The following SMAP1 variants were observed in gnomAD, a reference collection of about 807,000 sequenced individuals.
The protein encoded by SMAP1 is small ArfGAP 1.
SMAP1 carries 24 observed loss-of-function variants against 58.5 expected under a neutral mutation model. The ratio of observed to expected loss-of-function variants is 0.41; its 90% CI spans 0.30 to 0.58. SMAP1 has a LOEUF of 0.58. SMAP1 is among the 20% of genes least tolerant of loss of function. The probability of loss-of-function intolerance (pLI) is 0.29; values close to 1 mark genes in which losing one functional copy is unlikely to be tolerated. For missense variants in SMAP1, 563 were observed against 566.3 expected, an observed-to-expected ratio of 0.99 and a Z score of 0.06; for synonymous variants, 216 against 196.6, an observed-to-expected ratio of 1.10 and a Z score of -0.82.
At chr6:70,848,026 A>C (rs919161719) in intron 7 of SMAP1, among the ~76,000 whole-genome samples, 1 of 152,130 alleles carries the variant, frequency 6.6e-6, no homozygotes, top group African/African-American at 2.4e-5. Flanking sequence ...ATGCTTTCTA[A>C]ATGTTAAAGT....
At chr6:70,855,050 T>A (rs910869048) in intron 8 of SMAP1, among the ~76,000 whole-genome samples, 16 of 124,378 alleles carry the variant, frequency 1.3e-4, no homozygotes, top group East Asian at 4.8e-4. Context: ...TCCTGTTCTT[T>A]CATATACATA....
At chr6:70,779,587 G>A (rs1238568461) in intron 4 of SMAP1, among the ~76,000 whole-genome samples, 2 of 152,094 alleles carry the variant, frequency 1.3e-5, no homozygotes, top group Non-Finnish European at 2.9e-5. Context: ...ACCATGATGG[G>A]GAGTCCTTCC....
intron 1 of SMAP1, among the ~76,000 whole-genome samples, chr6:70,706,725 C>T (rs1309921639): frequency 6.6e-6 from 1 of 152,150 alleles, no homozygotes; most frequent in Non-Finnish European, 1.5e-5. Context: ...ATGGCGCTCT[C>T]TATTAATCCA....
In SMAP1 at chr6:70,836,989, A is replaced by G. The variant is rs1170338721; in HGVS notation, c.625A>G (p.Lys209Glu). The G allele has an allele frequency of 1.9e-6, 3 of 1,603,928 alleles. No homozygotes were observed. The highest frequency in any genetic ancestry group is 2.7e-5 in the African/African-American group (2 of 74,428). ...QLEPKKSTSP[K>E]KAAEPTVDLL... is the part of the protein sequence containing the mutation. ...GGAGCCTAAAAAAAGTACCAGCCCT[A>G]AAAAAGCTGCGGAGCCCACTGTGGA... Residue 209 changes from lysine to glutamate, a missense_variant, in exon 7 of 11, where the codon AAA becomes GAA. Lys to Glu is a moderately conservative substitution (Grantham distance 56). Transcript: ENST00000370455.
chr6:70,676,747 A>T (rs1406158120), intron 1 of SMAP1, among the ~76,000 whole-genome samples: 1 of 152,128 alleles, frequency 6.6e-6, no homozygotes, highest in African/African-American at 2.4e-5. Flanking sequence ...ACAAATTGGA[A>T]TTTTTGTCTC....
intron 1 of SMAP1, among the ~76,000 whole-genome samples, chr6:70,680,677 C>G (rs1766663219): frequency 6.8e-6 from 1 of 146,320 alleles, no homozygotes; most frequent in Non-Finnish European, 1.5e-5. Context: ...ACACAAAAGA[C>G]AACAGAGTAT....
intron 9 of SMAP1, 95 bp downstream of exon 9, chr6:70,857,125 A>G: frequency 8.1e-7 from 1 of 1,238,260 alleles, no homozygotes; most frequent in East Asian, 2.6e-5. Flanking sequence ...TTATTGTTCC[A>G]TGTAGTGAGT....
In SMAP1 at chr6:70,733,611, A is replaced by G. The variant is rs116865307; in HGVS notation, c.252+1100A>G. Among the ~76,000 whole-genome samples, 881 of 152,234 alleles carry G rather than the reference A, an allele frequency of 5.8e-3. 3 individuals carry two copies. Among genetic ancestry groups the G allele is most frequent in the Non-Finnish European group, 9.4e-3 (641 of 68,020 alleles). On this transcript the variant is annotated intron_variant, in intron 2 of 10. Transcript: ENST00000370455. ...GGCTGGTCTCAAACTCTTGGACTCA[A>G]GCGATTCTCCCATGTCAGCCTTCCA...
At chr6:70,784,680 C>T (rs1266443345) in intron 4 of SMAP1, among the ~76,000 whole-genome samples, 6 of 152,068 alleles carry the variant, frequency 3.9e-5, no homozygotes, top group Non-Finnish European at 7.4e-5. Flanking sequence ...AGACTTCAAA[C>T]CAACAAAGAT....
intron 6 of SMAP1, among the ~76,000 whole-genome samples, chr6:70,835,494 C>A (rs555858539): frequency 3.2e-4 from 49 of 152,094 alleles, no homozygotes; most frequent in African/African-American, 1.1e-3. Flanking sequence ...TGAATGTTTT[C>A]TTTATTTATT....
At chr6:70,730,905 T>G (rs1007445198) in intron 1 of SMAP1, among the ~76,000 whole-genome samples, 13 of 152,180 alleles carry the variant, frequency 8.5e-5, no homozygotes, top group Non-Finnish European at 5.9e-5. Context: ...GTTCAAGTGA[T>G]TCTCTTGCCT....
intron 2 of SMAP1, among the ~76,000 whole-genome samples, chr6:70,736,701 A>G (rs982292543): frequency 2.6e-5 from 4 of 152,202 alleles, no homozygotes; most frequent in Admixed American, 2.0e-4. Context: ...AAAAACTTGT[A>G]TATTCTATGG....
At chr6:70,668,647 GCC>G (rs1284115355) in intron 1 of SMAP1, 3 of 1,535,766 alleles carry the variant, frequency 2.0e-6, no homozygotes, top group Non-Finnish European at 1.7e-6. Flanking sequence ...CTACCTGCCT[GCC>G]CACCTGACAG....
chr6:70,795,824 G>A (rs959463043), intron 5 of SMAP1, among the ~76,000 whole-genome samples: 3 of 150,812 alleles, frequency 2.0e-5, no homozygotes, highest in Admixed American at 6.6e-5. Flanking sequence ...TGCAACCTCC[G>A]CCTCCTGGAT....
At chr6:70,857,200 T>C in intron 9 of SMAP1, 170 bp downstream of exon 9, 1 of 574,808 alleles carries the variant, frequency 1.7e-6, no homozygotes, top group Non-Finnish European at 2.8e-6. Flanking sequence ...ATTAAAAAAT[T>C]AAGAGGCATG....
intron 4 of SMAP1, among the ~76,000 whole-genome samples, chr6:70,788,720 T>C (rs1768199480): frequency 6.6e-6 from 1 of 152,060 alleles, no homozygotes. Flanking sequence ...GCAGAGTGTA[T>C]ATGAATGTAG....
At chr6:70,701,802 A>G (rs891726428) in intron 1 of SMAP1, among the ~76,000 whole-genome samples, 1 of 152,088 alleles carries the variant, frequency 6.6e-6, no homozygotes, top group Admixed American at 6.6e-5. Context: ...TTTTCTCAAT[A>G]TGATATTAAA....
At chr6:70,679,020 GTTT>G (rs531088508) in intron 1 of SMAP1, among the ~76,000 whole-genome samples, 1 of 137,180 alleles carries the variant, frequency 7.3e-6, no homozygotes, top group Non-Finnish European at 1.6e-5. Context: ...TAGATTTTTT[GTTT>G]TTTTTTTTTT....
At chr6:70,817,317 C>A (rs1258106224) in intron 6 of SMAP1, among the ~76,000 whole-genome samples, 2 of 151,916 alleles carry the variant, frequency 1.3e-5, no homozygotes, top group African/African-American at 2.4e-5. Flanking sequence ...GAAGGAAAAG[C>A]AATCCTTTTT....
Sources: gnomAD v4.1 joint callset for allele counts (sites outside exome capture counted in the v4.1 genomes callset) on GRCh38, gnomAD v4.1.1 for gene constraint, MANE v1.5 for transcripts, NCBI Gene and HGNC (gene_info 2026-07-23, HGNC 2026-07-21) for gene names.